RBKS: variants seen among roughly 807,000 people sequenced by gnomAD.
RBKS encodes the protein ribokinase.
RBKS carries 33 observed loss-of-function variants against 33.9 expected under a neutral mutation model. The ratio of observed to expected loss-of-function variants is 0.97; its 90% CI spans 0.74 to 1.30. The LOEUF (loss-of-function observed/expected upper bound fraction) is 1.30. Ranked by LOEUF, RBKS falls within the 50% of genes most tolerant of loss-of-function variation. RBKS has a pLI of 0.00. For missense variants in RBKS, 361 were observed against 392.6 expected, an observed-to-expected ratio of 0.92 and a Z score of 0.68; for synonymous variants, 125 against 143.0, an observed-to-expected ratio of 0.87 and a Z score of 0.90.
rs563419274 is a variant in RBKS, at chr2:27,810,735, A to C, written c.795+16832T>G. On this transcript the variant is annotated intron_variant, in intron 7 of 7. Coordinates refer to ENST00000302188, the MANE Select transcript of RBKS (RefSeq NM_022128.3). The surrounding 1 kb of genome is among the most constrained non-coding windows in gnomAD (Gnocchi z 4.4). ...GTCATCTGAATTCCCATGAGCTCTC[A>C]AACCCACTTCTCAGCATCCCCATTT... Among the ~76,000 whole-genome samples the C allele has an allele frequency of 2.0e-5, 3 of 152,142 alleles. No homozygotes were observed. In the East Asian group the frequency reaches 5.8e-4, roughly 29 times the overall value.
At chr2:27,840,881 CTT>C (rs1663480014) in intron 5 of RBKS, among the ~76,000 whole-genome samples, 1 of 152,138 alleles carries the variant, frequency 6.6e-6, no homozygotes, top group South Asian at 2.1e-4. Context: ...CCTGCCATAT[CTT>C]TGTCATAAGG....
chr2:27,782,925 G>T (rs1408975163), intron 7 of RBKS, among the ~76,000 whole-genome samples: 1 of 151,860 alleles, frequency 6.6e-6, no homozygotes, highest in Non-Finnish European at 1.5e-5. Flanking sequence ...TAAATTATTG[G>T]GAGTTCTTCT....
chr2:27,871,505 C>T (rs1664210447), intron 1 of RBKS, among the ~76,000 whole-genome samples: 1 of 152,140 alleles, frequency 6.6e-6, no homozygotes, highest in Non-Finnish European at 1.5e-5. Context: ...ATCATTGGGT[C>T]TTTCCCCCCT....
rs80326495 is a variant in RBKS at position 27,877,262 on chromosome 2, C to T, written c.89+12995G>A. On this transcript the variant is annotated intron_variant, in intron 1 of 7. Transcript: ENST00000302188. ...TTACACATTATAAATATCTTTGTTA[C>T]ATGGGTGGTTGAGCTTTGTGTAGTT... Among the ~76,000 whole-genome samples the T allele has an allele frequency of 1.5e-4, 23 of 151,932 alleles. No individual in the cohort carries two copies. The East Asian group carries it at 4.4e-3, about 29-fold the overall frequency.
intron 2 of RBKS, among the ~76,000 whole-genome samples, chr2:27,850,341 T>C (rs1663715254): frequency 6.6e-6 from 1 of 152,194 alleles, no homozygotes; most frequent in South Asian, 2.1e-4. Flanking sequence ...TCACTCAAAC[T>C]CCATAGTTTA....
chr2:27,858,620 C>T, intron 1 of RBKS, 49 bp from the exon 2 acceptor site: 1 of 1,552,776 alleles, frequency 6.4e-7, no homozygotes, highest in Non-Finnish European at 8.8e-7. Context: ...TAACTGTAAT[C>T]AATTTAAGTT....
chr2:27,831,016 G>C (rs1020110959), intron 6 of RBKS, among the ~76,000 whole-genome samples: 2 of 152,162 alleles, frequency 1.3e-5, no homozygotes, highest in Non-Finnish European at 2.9e-5. Flanking sequence ...GCCCCCAGCT[G>C]AAAGCCAGCA....
intron 7 of RBKS, among the ~76,000 whole-genome samples, chr2:27,786,816 T>C (rs1166405434): frequency 6.6e-6 from 1 of 151,010 alleles, no homozygotes; most frequent in African/African-American, 2.4e-5. Context: ...TTAAAAAATA[T>C]TGTACCCACA....
chr2:27,850,646 C>G, intron 2 of RBKS, among the ~76,000 whole-genome samples: 1 of 152,088 alleles, frequency 6.6e-6, no homozygotes, highest in South Asian at 2.1e-4. Flanking sequence ...CTTTTTATGC[C>G]TTGATAGCTA....
Position 27,837,081 on chromosome 2 carries a change from G to T in RBKS, c.515-4304C>A, listed in dbSNP as rs542098333. Among the ~76,000 whole-genome samples, 9 of 152,088 alleles carry T rather than the reference G, an allele frequency of 5.9e-5. No individual in the cohort carries two copies. In the South Asian group the frequency reaches 1.9e-3, roughly 32 times the overall value. ...AGGATCGGGAGATTAAGATCATCCTGGCTAACACGGTGAAACCCTGTCTCT... is the reference window on the plus strand; with the variant it reads ...AGGATCGGGAGATTAAGATCATCCTTGCTAACACGGTGAAACCCTGTCTCT... On this transcript the variant is annotated intron_variant, in intron 5 of 7. Transcript: ENST00000302188. This position sits in a 1 kb window ranked among gnomAD's most constrained non-coding sequence, Gnocchi z 4.0.
At chr2:27,847,271 T>C (rs1364453678) in intron 3 of RBKS, among the ~76,000 whole-genome samples, 167 bp from the exon 4 acceptor site, 3 of 152,216 alleles carry the variant, frequency 2.0e-5, no homozygotes, top group South Asian at 2.1e-4. Context: ...CCATCATCTA[T>C]ACAACAAGAA....
At chr2:27,809,398 A>T (rs979315499) in intron 7 of RBKS, among the ~76,000 whole-genome samples, 1 of 152,250 alleles carries the variant, frequency 6.6e-6, no homozygotes, top group African/African-American at 2.4e-5. Context: ...TTATTCTATA[A>T]TTTAAAGAAT....
chr2:27,832,798 G>T, intron 5 of RBKS, 21 bp from the exon 6 acceptor site: 1 of 1,464,044 alleles, frequency 6.8e-7, no homozygotes, highest in Non-Finnish European at 9.6e-7. Flanking sequence ...ATGGAAAAGG[G>T]GGTTATTATT....
chr2:27,856,266 A>C (rs1190090844), intron 2 of RBKS, among the ~76,000 whole-genome samples: 1 of 152,214 alleles, frequency 6.6e-6, no homozygotes, highest in Non-Finnish European at 1.5e-5. Flanking sequence ...CACAGGCTAA[A>C]ATCCACTGTG....
intron 7 of RBKS, among the ~76,000 whole-genome samples, chr2:27,799,768 G>A (rs1399480746): frequency 6.6e-6 from 1 of 152,218 alleles, no homozygotes; most frequent in East Asian, 1.9e-4. Context: ...ATTTCTTCAA[G>A]GGAGAGTGTT....
intron 7 of RBKS, among the ~76,000 whole-genome samples, chr2:27,798,223 A>G (rs1228717970): frequency 6.6e-6 from 1 of 152,124 alleles, no homozygotes; most frequent in South Asian, 2.1e-4. Flanking sequence ...TTCAGCTGCT[A>G]TGAATATAAT....
intron 7 of RBKS, 21 bp downstream of exon 7, chr2:27,827,546 T>C (rs752677516): frequency 6.6e-7 from 1 of 1,524,426 alleles, no homozygotes; most frequent in Non-Finnish European, 8.8e-7. Context: ...CTAAACATGA[T>C]TCTTAAATTT....
intron 7 of RBKS, among the ~76,000 whole-genome samples, chr2:27,799,494 G>A (rs1429188609): frequency 6.6e-6 from 1 of 152,176 alleles, no homozygotes; most frequent in Non-Finnish European, 1.5e-5. Flanking sequence ...CCTACACAAA[G>A]CTATTCAGAG....
At chr2:27,854,585 G>C (rs934729812) in intron 2 of RBKS, among the ~76,000 whole-genome samples, 1 of 152,112 alleles carries the variant, frequency 6.6e-6, no homozygotes, top group African/African-American at 2.4e-5. Context: ...TATAGTTCTG[G>C]AAATTCCCCA....
Sources: allele counts gnomAD v4.1 joint callset (sites outside exome capture counted in the v4.1 genomes callset), GRCh38; gene constraint gnomAD v4.1.1; non-coding constraint Gnocchi (gnomAD v3.1); transcripts MANE v1.5; gene names NCBI Gene and HGNC (gene_info 2026-07-23, HGNC 2026-07-21).